The following TTN variants were observed in gnomAD, a reference collection of about 807,000 sequenced individuals.
TTN encodes the protein connectin.
Under a neutral mutation model 3,223.0 loss-of-function variants are expected in TTN, and 1,525 were observed. The observed-to-expected ratio is 0.47, with a 90% CI of 0.45 to 0.49. The LOEUF is 0.49. Ranked by LOEUF, TTN falls within the 20% of genes least tolerant of loss-of-function variation. The pLI is 0.00. For synonymous variants in TTN, 14,094 were observed against 15,161.0 expected, an observed-to-expected ratio of 0.93 and a Z score of 5.17; for missense variants, 40,786 against 43,424.0, an observed-to-expected ratio of 0.94 and a Z score of 5.40.
In TTN at chr2:178,558,613, A is replaced by G. The variant is rs745542033; in HGVS notation, c.86846T>C (p.Leu28949Pro). 4.3e-6 allele frequency: 7 copies of G among 1,612,086 alleles called. No homozygotes were observed. Among genetic ancestry groups the G allele is most frequent in the Non-Finnish European group, 5.1e-6 (6 of 1,179,520 alleles). ...GTCTTTGGATATACTTGTTACTCCAAGTTTTTCAGGTGGGCTTGGTTTTTC... is the reference window on the plus strand; with the variant it reads ...GTCTTTGGATATACTTGTTACTCCAGGTTTTTCAGGTGGGCTTGGTTTTTC... ...ITEKPSPPEKLGVTSISKDSV... is the reference protein window; with the variant it reads ...ITEKPSPPEKPGVTSISKDSV... The change falls in exon 327 of 363, where the codon CTT becomes CCT. Residue 28949 changes from leucine (L) to proline (P), a missense_variant. By Grantham distance (98) the Leu-to-Pro change is moderately conservative. Transcript: ENST00000589042.
At position 178,735,784 on chromosome 2, in the gene TTN, G is replaced by A; in HGVS notation, c.14662C>T (p.Pro4888Ser). The A allele has an allele frequency of 6.2e-7, 1 of 1,613,594 alleles. No individual in the cohort carries two copies. The highest frequency in any genetic ancestry group is 2.2e-5 in the East Asian group (1 of 44,820). Residue 4888 changes from proline to serine, a missense_variant, in exon 50 of 363, where the codon CCA becomes TCA. Pro to Ser is a moderately conservative substitution (Grantham distance 74, BLOSUM62 -1). Transcript: ENST00000589042. The part of the protein sequence containing the change: ...CQAELIIIDK[P>S]HFIKELEPVQ... ...GGCTCTAATTCTTTAATGAAATGTG[G>A]CTTATCAATGATGATCAACTCTGCT...
At position 178,653,062 on chromosome 2, in the gene TTN, G is replaced by T. The variant is rs765111099; in HGVS notation, c.38854C>A (p.Pro12952Thr). ...KKVPVTPPKK[P>T]EVPPVKVPEA... The stretch of plus-strand genomic sequence containing the variant: ...ATACCTTTAACAGGTGGGACTTCAG[G>T]TTTTTTAGGAGGAGTCACTGGCACT... The change falls in exon 199 of 363, where the codon CCT (proline) becomes ACT (threonine). Residue 12952 changes from proline to threonine, a missense_variant. Physicochemically the swap from Pro to Thr is conservative, Grantham distance 38. Transcript: ENST00000589042. 6.2e-7 allele frequency: 1 copy of T among 1,613,322 alleles called. No homozygotes were observed. The highest frequency in any genetic ancestry group is 8.5e-7 in the Non-Finnish European group (1 of 1,179,570).
chr2:178,584,308 G>T lies in TTN; in HGVS notation c.65243C>A (p.Pro21748His). The change falls in exon 311 of 363, where the codon CCC (proline) becomes CAC (histidine). Residue 21748 changes from proline (P) to histidine (H), a missense_variant. Transcript: ENST00000589042. ...CATTCTTGCAGTTACATATTCTGTGGGTTTGCTGGGTGGGCTGGATCCAGC... is the reference window on the plus strand; with the variant it reads ...CATTCTTGCAGTTACATATTCTGTGTGTTTGCTGGGTGGGCTGGATCCAGC... ...NKAGSSPPSK[P>H]TEYVTARMPV... The T allele has an allele frequency of 6.3e-7, 1 of 1,595,240 alleles. No individual in the cohort carries two copies. The highest frequency in any genetic ancestry group is 2.2e-5 in the East Asian group (1 of 44,482).
intron 288 of TTN, chr2:178,600,606 G>A (rs1042887932): frequency 2.0e-5 from 10 of 510,960 alleles, no homozygotes; most frequent in African/African-American, 3.8e-5. Context: ...AACAGACTGC[G>A]AGGAAAATTA....
chr2:178,771,082 A>G, intron 34 of TTN, 129 bp downstream of exon 34: 1 of 1,437,102 alleles, frequency 7.0e-7, no homozygotes, highest in East Asian at 2.4e-5. Context: ...AGGAAGGTTT[A>G]GAGGATCTAG....
In TTN at chr2:178,554,728, G is replaced by A; in HGVS notation, c.88619C>T (p.Pro29540Leu). 7 of 1,613,778 alleles carry A rather than the reference G, an allele frequency of 4.3e-6. No homozygotes were observed. Among genetic ancestry groups the A allele is most frequent in the Non-Finnish European group, 5.9e-6 (7 of 1,179,812 alleles). The change falls in exon 332 of 363, where the codon CCA (proline) becomes CTA (leucine). Residue 29540 changes from proline (P) to leucine (L), a missense_variant. By Grantham distance (98) the Pro-to-Leu change is moderately conservative. Coordinates refer to ENST00000589042, the MANE Select transcript of TTN (RefSeq NM_001267550.2). Reference sequence around the variant, plus strand: ...AGCAGTTACAGTCTTAAATTCAATTGGTCCACCAGGTGGGCCTGGTTTGTC... The same window carrying A: ...AGCAGTTACAGTCTTAAATTCAATTAGTCCACCAGGTGGGCCTGGTTTGTC... ...ILDKPGPPGG[P>L]IEFKTVTAEK...
intron 127 of TTN, among the ~76,000 whole-genome samples, chr2:178,687,003 C>T (rs1052201862): frequency 2.6e-5 from 4 of 152,194 alleles, no homozygotes; most frequent in Non-Finnish European, 5.9e-5. Flanking sequence ...GGAAGCACAA[C>T]AGAGTTAATG....
intron 4 of TTN, 99 bp from the exon 5 acceptor site, chr2:178,800,009 G>T: frequency 7.5e-7 from 1 of 1,336,264 alleles, no homozygotes; most frequent in South Asian, 1.3e-5. Flanking sequence ...AGATTTTCTG[G>T]ATATCCCAAT....
In TTN at chr2:178,592,462, G is replaced by T; in HGVS notation, c.59543C>A (p.Ala19848Asp). Residue 19848 changes from alanine to aspartate, a missense_variant, in exon 301 of 363, where the codon GCC (alanine) becomes GAC (aspartate). Physicochemically the swap from Ala to Asp is moderately radical, Grantham distance 126. Coordinates refer to ENST00000589042, the MANE Select transcript of TTN (RefSeq NM_001267550.2). Reference sequence around the variant, plus strand: ...AGAATAAATTCCACCATCTTCATGGGCAGCATTACGAATTTCAAGCTTGCT... The same window carrying T: ...AGAATAAATTCCACCATCTTCATGGTCAGCATTACGAATTTCAAGCTTGCT... ...VGSKLEIRNA[A>D]HEDGGIYSLT... 6.2e-7 allele frequency: 1 copy of T among 1,613,430 alleles called. No individual in the cohort carries two copies. Among genetic ancestry groups the T allele is most frequent in the Non-Finnish European group, 8.5e-7 (1 of 1,179,572 alleles).
In TTN at chr2:178,607,573, T is replaced by C. The variant is rs1182402471; in HGVS notation, c.53115A>G (p.Val17705=). 6.2e-7 allele frequency: 1 copy of C among 1,613,126 alleles called. No individual in the cohort carries two copies. Among genetic ancestry groups the C allele is most frequent in the East Asian group, 2.2e-5 (1 of 44,816 alleles). ...CCAGCTCCCCTTCTTCTTTGGTCCA[T>C]ACTTTTGTAGGTACAGGGCGACCAG... ...VVTGRPVPTK[V]WTKEEGELDK... The change falls in exon 277 of 363, where the codon GTA becomes GTG. Residue 17705 remains valine (V), a synonymous_variant. Coordinates refer to ENST00000589042, the MANE Select transcript of TTN (RefSeq NM_001267550.2).
At chr2:178,715,889 T>G (rs2077410320) in intron 88 of TTN, 115 bp from the exon 89 acceptor site, 1 of 1,011,732 alleles carries the variant, frequency 9.9e-7, no homozygotes, top group South Asian at 1.9e-5. Flanking sequence ...GAAAACAAAT[T>G]TATGCAGTTC....
In TTN at chr2:178,682,800, A is replaced by G. The variant is rs373166071; in HGVS notation, c.32991T>C (p.Tyr10997=). 41 of 1,612,950 alleles carry G rather than the reference A, an allele frequency of 2.5e-5. No homozygotes were observed. The highest frequency in any genetic ancestry group is 3.3e-5 in the Non-Finnish European group (39 of 1,179,288). ...EEYEEYEEYD[Y]KEFEEYEPTE... ...TTGGTTCATACTCCTCAAATTCTTT[A>G]TAATCATATTCTTCATATTCCTCAT... The change falls in exon 135 of 363, where the codon TAT becomes TAC. Residue 10997 remains tyrosine, a synonymous_variant. Coordinates refer to ENST00000589042, the MANE Select transcript of TTN (RefSeq NM_001267550.2).
In TTN at chr2:178,772,608, AG is replaced by A. The variant is rs1270306521; in HGVS notation, c.7855+500del. 3.9e-5 allele frequency among the ~76,000 whole-genome samples: 6 copies of A among 152,370 alleles called. No homozygotes were observed. The South Asian group carries it at 6.2e-4, about 16-fold the overall frequency. On this transcript the variant is annotated intron_variant, in intron 33 of 362. Coordinates refer to ENST00000589042, the MANE Select transcript of TTN (RefSeq NM_001267550.2). ...CATTAAAAAGTAGGAAGAAAATAAA[AG>A]GCACAAAGGCTAAAGAAGCAAGAAT... is the stretch of plus-strand genomic sequence containing the variant.
rs1688847847 is a variant in TTN at position 178,530,942 on chromosome 2, C to T, written c.105673G>A (p.Glu35225Lys). ...TLTIQKARVT[E>K]KAVTSPPRVK... ...CTTGGTGGTGATGTCACAGCCTTTT[C>T]AGTTACCCTGGCCTTTTGAATAGTC... Residue 35225 changes from glutamate (E) to lysine (K), a missense_variant, in exon 358 of 363, where the codon GAA (glutamate) becomes AAA (lysine). By Grantham distance (56) the Glu-to-Lys change is moderately conservative. Coordinates refer to ENST00000589042, the MANE Select transcript of TTN (RefSeq NM_001267550.2). 2 of 1,613,890 alleles carry T rather than the reference C, an allele frequency of 1.2e-6. No individual in the cohort carries two copies. Among genetic ancestry groups the T allele is most frequent in the African/African-American group, 2.7e-5 (2 of 74,924 alleles).
rs2053419473 is a variant in TTN, at chr2:178,601,407, A to G, written c.55590T>C (p.Asn18530=). 2 of 1,612,742 alleles carry G rather than the reference A, an allele frequency of 1.2e-6. No homozygotes were observed. Among genetic ancestry groups the G allele is most frequent in the East Asian group, 4.5e-5 (2 of 44,648 alleles). ...CAAATGTGGTGCTTCCACAGTCTGG[A>G]TTGACTTTGGTCCAGGCTTTTCCAT... ...TIDGKAWTKV[N]PDCGSTTFVV... The change falls in exon 287 of 363, where the codon AAT becomes AAC. Residue 18530 remains asparagine (N), a synonymous_variant. Transcript: ENST00000589042.
rs1313801373 is a variant in TTN, at chr2:178,711,269, C to T, written c.27967G>A (p.Ala9323Thr). The change falls in exon 97 of 363, where the codon GCC (alanine) becomes ACC (threonine). Residue 9323 changes from alanine to threonine, a missense_variant. Physicochemically the swap from Ala to Thr is moderately conservative, Grantham distance 58. Coordinates refer to ENST00000589042, the MANE Select transcript of TTN (RefSeq NM_001267550.2). ...TVGLPVVFDC[A>T]ISGSEPISVS... The stretch of plus-strand genomic sequence containing the variant: ...GAGATAGGTTCTGATCCACTTATGG[C>T]ACAATCAAAAACAACTGGCAGTCCA... 1.9e-6 allele frequency: 3 copies of T among 1,613,582 alleles called. No homozygotes were observed. The highest frequency in any genetic ancestry group is 2.5e-6 in the Non-Finnish European group (3 of 1,179,728).
At chr2:178,738,951 G>A (rs2082002668) in intron 48 of TTN, among the ~76,000 whole-genome samples, 190 bp downstream of exon 48, 1 of 152,104 alleles carries the variant, frequency 6.6e-6, no homozygotes, top group Admixed American at 6.5e-5. Flanking sequence ...GGATATGATA[G>A]CATAGCACCC....
chr2:178,678,634 T>C, intron 143 of TTN, 113 bp downstream of exon 143: 1 of 1,158,232 alleles, frequency 8.6e-7, no homozygotes, highest in Non-Finnish European at 1.2e-6. Flanking sequence ...TAAAATAAAA[T>C]ATTTAATTTT....
At position 178,732,186 on chromosome 2, in the gene TTN, C is replaced by T; in HGVS notation, c.16783G>A (p.Val5595Met). 1 of 1,613,840 alleles carries T rather than the reference C, an allele frequency of 6.2e-7. No individual in the cohort carries two copies. Among genetic ancestry groups the T allele is most frequent in the Non-Finnish European group, 8.5e-7 (1 of 1,179,782 alleles). Reference sequence around the variant, plus strand: ...AGTCTTAGAACTGCAGTAGACTCCACAAAAGACATTCTGTGTTTGCTGCTC... The same window carrying T: ...AGTCTTAGAACTGCAGTAGACTCCATAAAAGACATTCTGTGTTTGCTGCTC... ...KESSKHRMSF[V>M]ESTAVLRLTD... is the part of the protein sequence containing the mutation. Residue 5595 changes from valine to methionine, a missense_variant, in exon 57 of 363, where the codon GTG becomes ATG. Transcript: ENST00000589042.
Sources: allele counts gnomAD v4.1 joint callset (sites outside exome capture counted in the v4.1 genomes callset), GRCh38; gene constraint gnomAD v4.1.1; transcripts MANE v1.5; gene names NCBI Gene and HGNC (gene_info 2026-07-23, HGNC 2026-07-21).